The following PUS10 variants were observed in gnomAD, a reference collection of about 807,000 sequenced individuals.
PUS10 encodes pseudouridine synthase 10, also known as tRNA pseudouridine synthase Pus10.
Under a neutral mutation model 75.0 loss-of-function variants are expected in PUS10, and 59 were observed. That is an observed-to-expected ratio of 0.79 (90% CI 0.64 to 0.98). The LOEUF is 0.98. Ranked by LOEUF, PUS10 falls within the 50% of genes least tolerant of loss-of-function variation. The pLI is 0.00. For missense variants in PUS10, 650 were observed against 614.4 expected, an observed-to-expected ratio of 1.06 and a Z score of -0.61; for synonymous variants, 219 against 211.6, an observed-to-expected ratio of 1.03 and a Z score of -0.30.
At chr2:60,990,814 C>G (rs1341080959) in intron 4 of PUS10, among the ~76,000 whole-genome samples, 1 of 152,144 alleles carries the variant, frequency 6.6e-6, no homozygotes, top group African/African-American at 2.4e-5. Flanking sequence ...GGCATAATCT[C>G]AGCTCACTGC....
intron 4 of PUS10, among the ~76,000 whole-genome samples, chr2:60,989,268 C>T (rs148108050): frequency 3.3e-4 from 50 of 152,278 alleles, no homozygotes; most frequent in African/African-American, 1.1e-3. Context: ...GCAAAAGAGG[C>T]AGATTCTCAG....
chr2:60,972,758 T>C (rs1242735340), intron 4 of PUS10, among the ~76,000 whole-genome samples: 1 of 152,258 alleles, frequency 6.6e-6, no homozygotes, highest in African/African-American at 2.4e-5. Flanking sequence ...GGTTCGTATG[T>C]AGACCTGTCC....
intron 4 of PUS10, among the ~76,000 whole-genome samples, chr2:60,991,760 GA>G (rs1255221210): frequency 6.6e-6 from 1 of 152,138 alleles, no homozygotes; most frequent in Non-Finnish European, 1.5e-5. Context: ...TAATCCAAAA[GA>G]ATTCTCATTA....
chr2:60,957,376 G>C (rs964735774), intron 11 of PUS10, among the ~76,000 whole-genome samples: 1 of 152,204 alleles, frequency 6.6e-6, no homozygotes, highest in Non-Finnish European at 1.5e-5. Flanking sequence ...CCCCTGGCTG[G>C]CTCATAGCAT....
At chr2:61,005,921 G>A (rs904133405) in intron 4 of PUS10, among the ~76,000 whole-genome samples, 2 of 152,122 alleles carry the variant, frequency 1.3e-5, no homozygotes, top group Non-Finnish European at 2.9e-5. Context: ...AAATATAAAC[G>A]AATATGCTTA....
At chr2:60,998,564 C>T (rs1276230192) in intron 4 of PUS10, among the ~76,000 whole-genome samples, 1 of 152,076 alleles carries the variant, frequency 6.6e-6, no homozygotes, top group Admixed American at 6.6e-5. Context: ...TGGCATGCAC[C>T]TGTAGTCCCA....
chr2:60,964,727 G>T (rs1676231129), intron 8 of PUS10, among the ~76,000 whole-genome samples: 1 of 152,160 alleles, frequency 6.6e-6, no homozygotes, highest in South Asian at 2.1e-4. Context: ...TTTCTCAGAT[G>T]ATGTAATTTG....
intron 15 of PUS10, among the ~76,000 whole-genome samples, chr2:60,948,778 G>A (rs936250927): frequency 6.6e-6 from 1 of 151,896 alleles, no homozygotes; most frequent in Non-Finnish European, 1.5e-5. Context: ...GATTTTTTAG[G>A]GACACAGGCT....
intron 4 of PUS10, among the ~76,000 whole-genome samples, chr2:60,983,946 T>C (rs1677565878): frequency 6.6e-6 from 1 of 151,918 alleles, no homozygotes; most frequent in Non-Finnish European, 1.5e-5. Context: ...CATGCATATA[T>C]TACTTTCCTA....
At chr2:61,007,066 G>GT (rs767322394) in intron 3 of PUS10, among the ~76,000 whole-genome samples, 14 of 152,108 alleles carry the variant, frequency 9.2e-5, no homozygotes, top group Non-Finnish European at 1.5e-5. Flanking sequence ...GAACTTTTCT[G>GT]TAACTTAGCT....
rs772146254 is a variant in PUS10, at chr2:61,008,904, T to C, written c.238A>G (p.Ile80Val). The change falls in exon 3 of 18, where the codon ATT becomes GTT. Residue 80 changes from isoleucine (I) to valine (V), a missense_variant. Transcript: ENST00000316752. ...TCTCCATTTTGACTTAGATTATCAA[T>C]ACTATCTTCCAGTTCTTGCAGTCGA... is the stretch of plus-strand genomic sequence containing the variant. ...KIRLQELEDSIDNLSQNGEGR... is the reference protein window; with the variant it reads ...KIRLQELEDSVDNLSQNGEGR... 11 of 1,613,826 alleles carry C rather than the reference T, an allele frequency of 6.8e-6. No homozygotes were observed. The South Asian group carries it at 1.1e-4, about 16-fold the overall frequency.
chr2:60,956,974 CAAAAAAAAAAAAAAAAAAA>C (rs56804354), intron 11 of PUS10, among the ~76,000 whole-genome samples: 1 of 19,248 alleles, frequency 5.2e-5, no homozygotes, highest in African/African-American at 1.6e-4. Flanking sequence ...GACTCCATCT[CAAAAAAAAAAAAAAAAAAA>C]AAAAAAAGAA....
At chr2:60,947,721 C>T (rs1269318035) in intron 16 of PUS10, among the ~76,000 whole-genome samples, 7 of 148,726 alleles carry the variant, frequency 4.7e-5, no homozygotes, top group African/African-American at 1.5e-4. Flanking sequence ...CCCAGCTACT[C>T]GGGAGGCTGA....
chr2:60,974,762 C>T (rs1024419496), intron 4 of PUS10, among the ~76,000 whole-genome samples: 3 of 152,274 alleles, frequency 2.0e-5, no homozygotes, highest in Non-Finnish European at 4.4e-5. Flanking sequence ...GCCTGCCCCA[C>T]TGCAGCCAGC....
chr2:61,017,677 G>T, intron 1 of PUS10: 2 of 1,137,324 alleles, frequency 1.8e-6, no homozygotes, highest in Non-Finnish European at 2.5e-6. Context: ...TGTTCTGCCC[G>T]TTGTGTCTTA....
At chr2:60,947,207 G>A (rs140920200) in intron 16 of PUS10, among the ~76,000 whole-genome samples, 3 of 151,998 alleles carry the variant, frequency 2.0e-5, no homozygotes, top group Admixed American at 6.5e-5. Context: ...CATCTGAATC[G>A]TTTTGTTTTT....
intron 16 of PUS10, among the ~76,000 whole-genome samples, chr2:60,947,795 C>T (rs1675048640): frequency 7.1e-6 from 1 of 141,402 alleles, no homozygotes; most frequent in South Asian, 2.2e-4. Context: ...CGCCACCGCA[C>T]TCCAGCCTGG....
At chr2:60,960,105 C>G (rs1415285006) in intron 11 of PUS10, among the ~76,000 whole-genome samples, 1 of 136,168 alleles carries the variant, frequency 7.3e-6, no homozygotes, top group Non-Finnish European at 1.5e-5. Context: ...TTGCTTGAGC[C>G]TGGGAGATTG....
rs372883796 is a variant in PUS10, at chr2:61,003,176, T to C, written c.468+3381A>G. 2.6e-4 allele frequency among the ~76,000 whole-genome samples: 39 copies of C among 152,262 alleles called. 1 individual carries two copies. The highest frequency in any genetic ancestry group is 7.7e-4 in the East Asian group (4 of 5,176). On this transcript the variant is annotated intron_variant, in intron 4 of 17. Transcript: ENST00000316752. ...TTATAATGATGATAAATAAAAACTATTGGGGCCGGGAGCGGTGGCTCACAC... is the reference window on the plus strand; with the variant it reads ...TTATAATGATGATAAATAAAAACTACTGGGGCCGGGAGCGGTGGCTCACAC...
Sources: gnomAD v4.1 joint callset for allele counts (sites outside exome capture counted in the v4.1 genomes callset) on GRCh38, gnomAD v4.1.1 for gene constraint, MANE v1.5 for transcripts, NCBI Gene and HGNC (gene_info 2026-07-23, HGNC 2026-07-21) for gene names.